EEF1AKMT4: variants seen among roughly 807,000 people sequenced by gnomAD.
EEF1AKMT4 encodes eukaryotic translation elongation factor 1 alpha lysine specific methyltransferase 4.
A neutral mutation model predicts 23.0 loss-of-function variants in EEF1AKMT4; 17 were observed. That is an observed-to-expected ratio of 0.74 (90% CI 0.51 to 1.11). The LOEUF is 1.11. Among genes scored for constraint, EEF1AKMT4 ranks in the 50% least tolerant of loss-of-function variants. EEF1AKMT4 has a pLI of 0.00. For synonymous variants in EEF1AKMT4, 140 were observed against 141.4 expected (o/e 0.99, Z 0.07); for missense variants, 318 against 333.4 (o/e 0.95, Z 0.36).
At position 184,258,372 on chromosome 3, in the gene EEF1AKMT4, G is replaced by A. The variant is rs369800111; in HGVS notation, c.565G>A (p.Ala189Thr). Residue 189 changes from alanine (A) to threonine (T), a missense_variant, in exon 3 of 3, where the codon GCC becomes ACC. Coordinates refer to ENST00000324557, the MANE Select transcript of EEF1AKMT4 (RefSeq NM_032331.4). Reference protein sequence around the residue: ...PHFRTRHYAQAYYGWSLRHAT... With the variant: ...PHFRTRHYAQTYYGWSLRHAT... ...CTTTCGGACCAGACACTATGCCCAAGCCTATTATGGCTGGTCCCTGAGGCA... is the reference window on the plus strand; with the variant it reads ...CTTTCGGACCAGACACTATGCCCAAACCTATTATGGCTGGTCCCTGAGGCA... The A allele has an allele frequency of 1.2e-6, 2 of 1,613,778 alleles. No homozygotes were observed. Among genetic ancestry groups the A allele is most frequent in the Non-Finnish European group, 1.7e-6 (2 of 1,179,890 alleles).
chr3:184,257,364 A>G (rs2108451468), intron 1 of EEF1AKMT4, 109 bp from the exon 2 acceptor site: 1 of 1,153,938 alleles, frequency 8.7e-7, no homozygotes, highest in Non-Finnish European at 1.2e-6. Context: ...TCTCAGTACT[A>G]GAGGGTTTGG....
In EEF1AKMT4 at chr3:184,258,414, G is replaced by A. The variant is rs766755060; in HGVS notation, c.607G>A (p.Gly203Ser). 3.1e-5 allele frequency: 50 copies of A among 1,613,794 alleles called. No individual in the cohort carries two copies. In the Admixed American group the frequency reaches 5.7e-4, roughly 18 times the overall value. Residue 203 changes from glycine to serine, a missense_variant, in exon 3 of 3, where the codon GGT (glycine) becomes AGT (serine). Physicochemically the swap from Gly to Ser is moderately conservative, Grantham distance 56. Transcript: ENST00000324557. ...CCTGAGGCATGCTACCTATGGCAGCGGTTTCCACTTCCATCTCTACCTCAT... is the reference window on the plus strand; with the variant it reads ...CCTGAGGCATGCTACCTATGGCAGCAGTTTCCACTTCCATCTCTACCTCAT... The part of the protein sequence containing the change: ...WSLRHATYGS[G>S]FHFHLYLMHK...
At chr3:184,255,930 C>G (rs1169243355) in intron 1 of EEF1AKMT4, among the ~76,000 whole-genome samples, 1 of 152,190 alleles carries the variant, frequency 6.6e-6, no homozygotes, top group Non-Finnish European at 1.5e-5. Context: ...AGCATGAGCT[C>G]CTTGAGGGCA....
At chr3:184,255,798 A>G (rs1267648738) in intron 1 of EEF1AKMT4, among the ~76,000 whole-genome samples, 1 of 151,960 alleles carries the variant, frequency 6.6e-6, no homozygotes. Flanking sequence ...CTCCCCGGAA[A>G]CTCTTGGCTG....
chr3:184,249,760 A>G lies in EEF1AKMT4; in HGVS notation c.66A>G (p.Glu22=). 1 of 1,613,206 alleles carries G rather than the reference A, an allele frequency of 6.2e-7. No homozygotes were observed. The highest frequency in any genetic ancestry group is 1.1e-5 in the South Asian group (1 of 91,082). Residue 22 remains glutamate (E), a synonymous_variant, in exon 1 of 3, where the codon GAA becomes GAG. Coordinates refer to ENST00000324557, the MANE Select transcript of EEF1AKMT4 (RefSeq NM_032331.4). ...ELPERNCGYR[E]VEYWDQRYQG... is the part of the protein sequence containing the mutation. ...CGGAGCGGAACTGCGGGTACCGCGA[A>G]GTCGAGTACTGGGATCAGCGCTACC... is the stretch of plus-strand genomic sequence containing the variant.
chr3:184,257,532 A>G lies in EEF1AKMT4; in HGVS notation c.256A>G (p.Ser86Gly). 6.2e-7 allele frequency: 1 copy of G among 1,614,130 alleles called. No homozygotes were observed. Among genetic ancestry groups the G allele is most frequent in the Admixed American group, 1.7e-5 (1 of 60,022 alleles). ...CCTCGGAGGCTTCCCTAATGTGACC[A>G]GTGTGGACTACTCATCAGTCGTGGT... ...LFLGGFPNVTSVDYSSVVVAA... is the reference protein window; with the variant it reads ...LFLGGFPNVTGVDYSSVVVAA... The change falls in exon 2 of 3, where the codon AGT becomes GGT. Residue 86 changes from serine to glycine, a missense_variant. Physicochemically the swap from Ser to Gly is moderately conservative, Grantham distance 56 (BLOSUM62 0). Transcript: ENST00000324557.
At chr3:184,258,168 C>T in intron 2 of EEF1AKMT4, 120 bp from the exon 3 acceptor site, 2 of 955,592 alleles carry the variant, frequency 2.1e-6, no homozygotes, top group Non-Finnish European at 1.6e-6. Flanking sequence ...CCATGGAAAG[C>T]CTGAGCTACA....
At chr3:184,256,319 G>C (rs570674584) in intron 1 of EEF1AKMT4, among the ~76,000 whole-genome samples, 28 of 144,762 alleles carry the variant, frequency 1.9e-4, no homozygotes, top group African/African-American at 7.1e-4. Flanking sequence ...GAATTGCAAG[G>C]AATTAGTCAG....
rs1427609138 is a variant in EEF1AKMT4, at chr3:184,257,565, A to G, written c.289A>G (p.Met97Val). 6.2e-7 allele frequency: 1 copy of G among 1,614,168 alleles called. No individual in the cohort carries two copies. Among genetic ancestry groups the G allele is most frequent in the Non-Finnish European group, 8.5e-7 (1 of 1,180,052 alleles). ...VDYSSVVVAA[M>V]QARHAHVPQL... The stretch of plus-strand genomic sequence containing the variant: ...CTACTCATCAGTCGTGGTGGCTGCC[A>G]TGCAGGCTCGCCATGCCCATGTGCC... Residue 97 changes from methionine (M) to valine (V), a missense_variant, in exon 2 of 3, where the codon ATG (methionine) becomes GTG (valine). Coordinates refer to ENST00000324557, the MANE Select transcript of EEF1AKMT4 (RefSeq NM_032331.4).
At chr3:184,255,796 A>C (rs1489009730) in intron 1 of EEF1AKMT4, among the ~76,000 whole-genome samples, 1 of 152,242 alleles carries the variant, frequency 6.6e-6, no homozygotes, top group Non-Finnish European at 1.5e-5. Context: ...AGCTCCCCGG[A>C]AACTCTTGGC....
intron 1 of EEF1AKMT4, among the ~76,000 whole-genome samples, chr3:184,251,010 G>C (rs1281610298): frequency 6.6e-6 from 1 of 151,348 alleles, no homozygotes; most frequent in Non-Finnish European, 1.5e-5. Flanking sequence ...GCTTGAACCA[G>C]GGAGGCGGAG....
chr3:184,253,561 G>T (rs1441771545), intron 1 of EEF1AKMT4, among the ~76,000 whole-genome samples: 1 of 152,156 alleles, frequency 6.6e-6, no homozygotes, highest in Non-Finnish European at 1.5e-5. Context: ...GAGCGATAGA[G>T]GCCTGGGTCC....
At chr3:184,256,775 A>G (rs1267471688) in intron 1 of EEF1AKMT4, among the ~76,000 whole-genome samples, 1 of 151,638 alleles carries the variant, frequency 6.6e-6, no homozygotes, top group East Asian at 2.0e-4. Flanking sequence ...GGTTCAAGCA[A>G]TTCTCCTGCC....
At position 184,249,862 on chromosome 3, in the gene EEF1AKMT4, G is replaced by T; in HGVS notation, c.168G>T (p.Leu56=). ...SSFRALLEPE[L]RPEDRILVLG... is the part of the protein sequence containing the mutation. ...TCCGTGCCCTCCTAGAGCCGGAGCT[G>T]CGGCCCGAGGACCGTATCCTTGTGC... The change falls in exon 1 of 3, where the codon CTG becomes CTT. Residue 56 remains leucine, a synonymous_variant. Transcript: ENST00000324557. 1 of 1,612,858 alleles carries T rather than the reference G, an allele frequency of 6.2e-7. No individual in the cohort carries two copies. Among genetic ancestry groups the T allele is most frequent in the Non-Finnish European group, 8.5e-7 (1 of 1,179,760 alleles).
intron 2 of EEF1AKMT4, 65 bp downstream of exon 2, chr3:184,257,821 G>A: frequency 2.6e-6 from 4 of 1,539,632 alleles, no homozygotes; most frequent in Non-Finnish European, 3.5e-6. Context: ...GGTTTCAGGG[G>A]ACTGGAAGAA....
intron 1 of EEF1AKMT4, among the ~76,000 whole-genome samples, chr3:184,256,272 C>CAGAAAAAAAA (rs1323118764): frequency 1.8e-5 from 1 of 54,206 alleles, no homozygotes; most frequent in African/African-American, 6.6e-5. Flanking sequence ...AACTCCATCT[C>CAGAAAAAAAA]AAAAAAAAAA....
chr3:184,257,360 T>C (rs1244287296), intron 1 of EEF1AKMT4, 113 bp from the exon 2 acceptor site: 5 of 1,099,012 alleles, frequency 4.5e-6, no homozygotes, highest in Non-Finnish European at 6.5e-6. Flanking sequence ...CTCCTCTCAG[T>C]ACTAGAGGGT....
At chr3:184,256,380 T>C (rs923608393) in intron 1 of EEF1AKMT4, among the ~76,000 whole-genome samples, 4 of 152,212 alleles carry the variant, frequency 2.6e-5, no homozygotes, top group African/African-American at 9.6e-5. Context: ...AATTCTGTTT[T>C]GGAAAACAAA....
At position 184,249,829 on chromosome 3, in the gene EEF1AKMT4, C is replaced by T; in HGVS notation, c.135C>T (p.Phe45=). The change falls in exon 1 of 3, where the codon TTC becomes TTT. Residue 45 remains phenylalanine (F), a synonymous_variant. Transcript: ENST00000324557. ...CCCCCTACGATTGGTTCGGGGACTT[C>T]TCCTCCTTCCGTGCCCTCCTAGAGC... ...DSAPYDWFGD[F]SSFRALLEPE... 6.2e-7 allele frequency: 1 copy of T among 1,613,176 alleles called. No individual in the cohort carries two copies. Among genetic ancestry groups the T allele is most frequent in the Non-Finnish European group, 8.5e-7 (1 of 1,179,942 alleles).
Sources: allele counts gnomAD v4.1 joint callset (sites outside exome capture counted in the v4.1 genomes callset), GRCh38; gene constraint gnomAD v4.1.1; transcripts MANE v1.5; gene names NCBI Gene and HGNC (gene_info 2026-07-23, HGNC 2026-07-21).